Variants in ACVR1B observed in about 807,000 individuals in gnomAD.
The protein encoded by ACVR1B is activin receptor type-1B.
Under a neutral mutation model 55.6 loss-of-function variants are expected in ACVR1B, and 15 were observed. That is an observed-to-expected ratio of 0.27 (90% confidence interval 0.18 to 0.42). ACVR1B has a LOEUF of 0.42. Ranked by LOEUF, ACVR1B falls within the 10% of genes least tolerant of loss-of-function variation. The probability of loss-of-function intolerance (pLI) is 1.00; values close to 1 mark genes in which losing one functional copy is unlikely to be tolerated. For synonymous variants in ACVR1B, 247 were observed against 254.6 expected (o/e 0.97, Z 0.28); for missense variants, 359 against 670.1 (o/e 0.54, Z 5.13).
chr12:51,987,026 T>C (rs1942092452), intron 7 of ACVR1B, 84 bp downstream of exon 7: 1 of 1,582,518 alleles, frequency 6.3e-7, no homozygotes, highest in South Asian at 1.1e-5. Flanking sequence ...CCCTTTCTTT[T>C]TACAACCTGT....
At chr12:51,981,999 T>C (rs1445587317) in intron 4 of ACVR1B, among the ~76,000 whole-genome samples, 1 of 152,240 alleles carries the variant, frequency 6.6e-6, no homozygotes, top group East Asian at 1.9e-4. Context: ...ATTCTTTCCT[T>C]CTTCCTCTCC....
rs538463399 is a variant in ACVR1B, at chr12:51,992,809, CAG to C, written c.1392+817_1392+818del. 1.3e-4 allele frequency among the ~76,000 whole-genome samples: 20 copies of C among 152,246 alleles called. 1 individual carries two copies. Among genetic ancestry groups the C allele is most frequent in the Admixed American group, 7.8e-4 (12 of 15,294 alleles). On this transcript the variant is annotated intron_variant, in intron 8 of 8. Coordinates refer to ENST00000257963, the MANE Select transcript of ACVR1B (RefSeq NM_004302.5). Reference sequence around the variant, plus strand: ...ATTTGGGAGAGACGGCAGATGAAATCAGGGGTGTGGGGGAAACAACATTTGGT... The same window carrying C: ...ATTTGGGAGAGACGGCAGATGAAATCGGGTGTGGGGGAAACAACATTTGGT...
At chr12:51,975,627 C>T (rs778392828) in intron 2 of ACVR1B, 123 bp downstream of exon 2, 17 of 1,323,164 alleles carry the variant, frequency 1.3e-5, no homozygotes, top group African/African-American at 1.0e-4. Context: ...TGGATGTTCC[C>T]GAAGGTGACA....
At chr12:51,982,701 T>C (rs2120677933) in intron 4 of ACVR1B, 2 of 1,532,224 alleles carry the variant, frequency 1.3e-6, no homozygotes, top group South Asian at 2.4e-5. Flanking sequence ...TGCTCATTCC[T>C]CACATTGCCA....
chr12:51,956,131 C>T (rs1348838083), intron 1 of ACVR1B, among the ~76,000 whole-genome samples: 1 of 152,178 alleles, frequency 6.6e-6, no homozygotes, highest in Admixed American at 6.5e-5. Context: ...AAGTTTCCAT[C>T]CCAGGCAATC....
At chr12:51,957,321 G>A (rs1325139621) in intron 1 of ACVR1B, among the ~76,000 whole-genome samples, 7 of 151,512 alleles carry the variant, frequency 4.6e-5, no homozygotes, top group East Asian at 2.0e-4. Flanking sequence ...TGGTGTGCCT[G>A]TAATCCCAGC....
chr12:51,953,992 T>A (rs965557364), intron 1 of ACVR1B, among the ~76,000 whole-genome samples: 8 of 152,230 alleles, frequency 5.3e-5, no homozygotes, highest in African/African-American at 1.9e-4. Flanking sequence ...CCAGGACACG[T>A]CTAGTTGCCA....
At chr12:51,983,873 T>G in intron 4 of ACVR1B, 126 bp from the exon 5 acceptor site, 2 of 920,608 alleles carry the variant, frequency 2.2e-6, no homozygotes, top group Non-Finnish European at 3.4e-6. Context: ...TCAGGGGGCA[T>G]GGAGGTGGGA....
intron 1 of ACVR1B, among the ~76,000 whole-genome samples, chr12:51,966,403 T>C (rs1210291213): frequency 6.6e-6 from 1 of 152,180 alleles, no homozygotes; most frequent in East Asian, 1.9e-4. Context: ...TTTTAGGAGA[T>C]CTCTTAGCTG....
chr12:51,975,717 C>T (rs528734883), intron 2 of ACVR1B, among the ~76,000 whole-genome samples: 62 of 152,284 alleles, frequency 4.1e-4, no homozygotes, highest in South Asian at 2.1e-3. Flanking sequence ...CAGAGGTGCC[C>T]GCAGTGTTTA....
intron 1 of ACVR1B, among the ~76,000 whole-genome samples, chr12:51,971,765 ATT>A (rs2120560666): frequency 6.6e-6 from 1 of 152,362 alleles, no homozygotes; most frequent in African/African-American, 2.4e-5. Flanking sequence ...ACAGAGCAGA[ATT>A]GTCCAGTGTT....
intron 1 of ACVR1B, among the ~76,000 whole-genome samples, chr12:51,963,336 CCAGGTTCAAGCGATTCTCCT>C (rs569980237): frequency 2.6e-5 from 4 of 152,224 alleles, no homozygotes; most frequent in Non-Finnish European, 5.9e-5. Context: ...CCTCTGCCTC[CCAGGTTCAAGCGATTCTCCT>C]GTCTCAACCT....
intron 7 of ACVR1B, among the ~76,000 whole-genome samples, chr12:51,989,092 T>C (rs867275701): frequency 6.6e-6 from 1 of 152,072 alleles, no homozygotes; most frequent in Non-Finnish European, 1.5e-5. Flanking sequence ...CCTATCTCTA[T>C]TAAAAATACA....
intron 6 of ACVR1B, among the ~76,000 whole-genome samples, chr12:51,985,653 G>T (rs558161035): frequency 1.3e-5 from 2 of 152,340 alleles, no homozygotes; most frequent in East Asian, 3.9e-4. Context: ...CAGGCAACAG[G>T]TGTGGCTCGG....
chr12:51,986,561 A>C (rs1942080162), intron 6 of ACVR1B, among the ~76,000 whole-genome samples: 1 of 152,222 alleles, frequency 6.6e-6, no homozygotes, highest in South Asian at 2.1e-4. Context: ...CACCTGGCCA[A>C]ATAAACAAAT....
chr12:51,992,255 A>G lies in ACVR1B; in HGVS notation c.1392+262A>G, dbSNP rs1592263848. 1.4e-5 allele frequency: 7 copies of G among 504,696 alleles called. No individual in the cohort carries two copies. The South Asian group carries it at 2.3e-4, about 17-fold the overall frequency. The allele number at this position is 504,696 out of a possible 1,614,324, so 31.3% of individuals were successfully genotyped here. Reference sequence around the variant, plus strand: ...TGTGGTGGCATAGGCCTGTAATCGTAGCGCTTTGAGAGGCTGAGGCAGGAA... The same window carrying G: ...TGTGGTGGCATAGGCCTGTAATCGTGGCGCTTTGAGAGGCTGAGGCAGGAA... On this transcript the variant is annotated intron_variant, in intron 8 of 8. Coordinates refer to ENST00000257963, the MANE Select transcript of ACVR1B (RefSeq NM_004302.5).
intron 1 of ACVR1B, among the ~76,000 whole-genome samples, chr12:51,956,234 A>G (rs1229255983): frequency 1.3e-5 from 2 of 152,144 alleles, no homozygotes; most frequent in Admixed American, 6.5e-5. Flanking sequence ...TTAAGCCTGC[A>G]TTTGTCTCCC....
At chr12:51,993,367 C>G (rs1009638953) in intron 8 of ACVR1B, among the ~76,000 whole-genome samples, 11 of 152,312 alleles carry the variant, frequency 7.2e-5, no homozygotes, top group Non-Finnish European at 1.5e-4. Flanking sequence ...TCACCGCACT[C>G]CTTGGAACCC....
intron 4 of ACVR1B, among the ~76,000 whole-genome samples, 200 bp downstream of exon 4, chr12:51,981,399 A>G (rs1941975449): frequency 6.6e-6 from 1 of 152,162 alleles, no homozygotes; most frequent in South Asian, 2.1e-4. Flanking sequence ...CCAGGTTATC[A>G]AGCAAATAAA....
Sources: gnomAD v4.1 joint callset for allele counts (sites outside exome capture counted in the v4.1 genomes callset) on GRCh38, gnomAD v4.1.1 for gene constraint, MANE v1.5 for transcripts, NCBI Gene and HGNC (gene_info 2026-07-23, HGNC 2026-07-21) for gene names.